GLUD1: variants seen among roughly 807,000 people sequenced by gnomAD.
The protein encoded by GLUD1 is glutamate dehydrogenase 1, mitochondrial.
Under a neutral mutation model 56.0 loss-of-function variants are expected in GLUD1, and 22 were observed. The observed-to-expected ratio is 0.39, with a 90% CI of 0.28 to 0.56. The LOEUF is 0.56. Among genes scored for constraint, GLUD1 ranks in the 20% least tolerant of loss-of-function variants. The probability of loss-of-function intolerance (pLI) is 0.58; values close to 1 mark genes in which losing one functional copy is unlikely to be tolerated. For synonymous variants in GLUD1, 223 were observed against 269.9 expected (o/e 0.83, Z 1.70); for missense variants, 451 against 732.0 (o/e 0.62, Z 4.43).
chr10:87,064,387 A>G (rs1042339446), intron 5 of GLUD1, among the ~76,000 whole-genome samples: 12 of 152,240 alleles, frequency 7.9e-5, no homozygotes, highest in Non-Finnish European at 1.8e-4. Flanking sequence ...AGGAGAAACT[A>G]GAGACAGTCT....
At chr10:87,053,269 G>A (rs1845686240) in intron 12 of GLUD1, 73 bp downstream of exon 12, 1 of 939,486 alleles carries the variant, frequency 1.1e-6, no homozygotes, top group African/African-American at 1.6e-5. Flanking sequence ...CATACAGTCT[G>A]GCGGCTGAGA....
At chr10:87,089,211 G>A (rs903209980) in intron 1 of GLUD1, among the ~76,000 whole-genome samples, 1 of 152,162 alleles carries the variant, frequency 6.6e-6, no homozygotes, top group Non-Finnish European at 1.5e-5. Context: ...CTCAATCAGC[G>A]CTTACAATTA....
intron 10 of GLUD1, among the ~76,000 whole-genome samples, chr10:87,058,102 T>C (rs1845835915): frequency 6.6e-6 from 1 of 152,212 alleles, no homozygotes; most frequent in African/African-American, 2.4e-5. Flanking sequence ...CCTCCTGACC[T>C]CGTGATTCAT....
At chr10:87,075,312 A>G (rs992610595) in intron 3 of GLUD1, among the ~76,000 whole-genome samples, 2 of 152,230 alleles carry the variant, frequency 1.3e-5, no homozygotes, top group African/African-American at 4.8e-5. Context: ...GTCTAAGTGA[A>G]GACATTATAT....
chr10:87,080,965 G>C (rs1841222588), intron 1 of GLUD1, among the ~76,000 whole-genome samples: 1 of 141,832 alleles, frequency 7.1e-6, no homozygotes, highest in South Asian at 2.2e-4. Context: ...CTCCGAGAGG[G>C]AGGTGGGGGG....
At chr10:87,092,617 G>C (rs974438834) in intron 1 of GLUD1, 95 of 982,256 alleles carry the variant, frequency 9.7e-5, no homozygotes, top group Non-Finnish European at 1.1e-4. Flanking sequence ...GTGAGTTTGC[G>C]GAGCTGCGAC....
chr10:87,082,681 G>A (rs1459179748), intron 1 of GLUD1, among the ~76,000 whole-genome samples: 1 of 152,178 alleles, frequency 6.6e-6, no homozygotes, highest in Non-Finnish European at 1.5e-5. Context: ...ATTCATACAT[G>A]TTTTTAATTC....
In GLUD1 at chr10:87,092,631, T is replaced by TA. The variant is rs1262050293; in HGVS notation, c.445+1693dup. On this transcript the variant is annotated intron_variant, in intron 1 of 12. Transcript: ENST00000277865. ...AGTGAGTTTGCGGAGCTGCGACTTA[T>TA]AAAAACAGGAGAGAGCTGGGCATCT... The TA allele has an allele frequency of 1.8e-5, 18 of 981,230 alleles. No homozygotes were observed. In the Admixed American group the frequency reaches 5.5e-4, roughly 30 times the overall value. The allele number at this position is 981,230 out of a possible 1,614,324, so 60.8% of individuals were successfully genotyped here. A position where few individuals can be genotyped will look rare whatever the true frequency, so the allele number is the denominator to read the frequency against.
intron 12 of GLUD1, 58 bp from the exon 13 acceptor site, chr10:87,051,928 A>G: frequency 6.2e-7 from 1 of 1,604,462 alleles, no homozygotes; most frequent in African/African-American, 1.3e-5. Context: ...CCAGGCCATA[A>G]ACACACAAGG....
intron 1 of GLUD1, chr10:87,093,976 C>T: frequency 1.4e-6 from 2 of 1,416,566 alleles, no homozygotes; most frequent in Non-Finnish European, 1.9e-6. Flanking sequence ...ACGGGCAGGT[C>T]ATTCCCTTTC....
At chr10:87,078,987 A>G (rs1366065708) in intron 1 of GLUD1, among the ~76,000 whole-genome samples, 1 of 152,108 alleles carries the variant, frequency 6.6e-6, no homozygotes, top group Non-Finnish European at 1.5e-5. Flanking sequence ...ACAACAACAA[A>G]AAGTACTGCA....
intron 1 of GLUD1, among the ~76,000 whole-genome samples, chr10:87,087,087 A>G (rs866707017): frequency 6.6e-6 from 1 of 152,168 alleles, no homozygotes; most frequent in East Asian, 1.9e-4. Flanking sequence ...CTTCTGTCCA[A>G]CTTGGCTACC....
chr10:87,060,376 A>C, intron 8 of GLUD1, 135 bp from the exon 9 acceptor site: 1 of 768,380 alleles, frequency 1.3e-6, no homozygotes, highest in Admixed American at 1.9e-5. Flanking sequence ...AATAGAGGTT[A>C]TTTTTCTCTG....
intron 1 of GLUD1, among the ~76,000 whole-genome samples, chr10:87,077,557 G>A (rs1347838692): frequency 6.7e-6 from 1 of 149,824 alleles, no homozygotes; most frequent in Non-Finnish European, 1.5e-5. Context: ...CAGACAGGTA[G>A]GTACTAGTGC....
chr10:87,051,809 A>G lies in GLUD1; in HGVS notation c.1619T>C (p.Val540Ala). 1 of 1,613,770 alleles carries G rather than the reference A, an allele frequency of 6.2e-7. No homozygotes were observed. Among genetic ancestry groups the G allele is most frequent in the Non-Finnish European group, 8.5e-7 (1 of 1,179,950 alleles). ...LGLDLRTAAY[V>A]NAIEKVFKVY... ...TTTGAAGACTTTCTCAATGGCATTA[A>G]CATAGGCAGCTGTTCTCAGGTCCAA... The change falls in exon 13 of 13, where the codon GTT becomes GCT. Residue 540 changes from valine (V) to alanine (A), a missense_variant. This residue lies in a region of GLUD1 where 43 missense variants were observed against 61.6 expected (regional missense o/e 0.70). Coordinates refer to ENST00000277865, the MANE Select transcript of GLUD1 (RefSeq NM_005271.5).
intron 5 of GLUD1, among the ~76,000 whole-genome samples, chr10:87,065,136 C>T (rs929359176): frequency 7.9e-5 from 12 of 151,760 alleles, no homozygotes; most frequent in Non-Finnish European, 1.5e-4. Context: ...ACTAAAAATA[C>T]AAAAAAATTA....
chr10:87,086,234 ATCT>A (rs1841379042), intron 1 of GLUD1, among the ~76,000 whole-genome samples: 1 of 152,048 alleles, frequency 6.6e-6, no homozygotes. Flanking sequence ...TTTACACCAG[ATCT>A]TCTTTATTTT....
chr10:87,094,136 T>A lies in GLUD1; in HGVS notation c.445+189A>T. On this transcript the variant is annotated intron_variant, in intron 1 of 12. Coordinates refer to ENST00000277865, the MANE Select transcript of GLUD1 (RefSeq NM_005271.5). The surrounding 1 kb of genome is among the most constrained non-coding windows in gnomAD (Gnocchi z 6.6). Reference sequence around the variant, plus strand: ...GGGAGGGGGCAGGCCAATCGCATGATGATTTTAAGGCGGAAAAATCACCAT... The same window carrying A: ...GGGAGGGGGCAGGCCAATCGCATGAAGATTTTAAGGCGGAAAAATCACCAT... 1 of 1,453,278 alleles carries A rather than the reference T, an allele frequency of 6.9e-7. No homozygotes were observed. 90.0% of individuals were successfully genotyped at this position (1,453,278 alleles called of 1,614,324 possible).
chr10:87,071,995 AG>A (rs1338013100), intron 4 of GLUD1, among the ~76,000 whole-genome samples: 25 of 152,358 alleles, frequency 1.6e-4, no homozygotes, highest in African/African-American at 5.8e-4. Flanking sequence ...AATACTGGTC[AG>A]GTGCAGTGGC....
Sources: gnomAD v4.1 joint callset for allele counts (sites outside exome capture counted in the v4.1 genomes callset) on GRCh38, gnomAD v4.1.1 for gene constraint, gnomAD v4.1.1 regional missense constraint, Gnocchi (gnomAD v3.1) non-coding constraint, MANE v1.5 for transcripts, NCBI Gene and HGNC (gene_info 2026-07-23, HGNC 2026-07-21) for gene names.